ACSL5: variants seen among roughly 807,000 people sequenced by gnomAD.
ACSL5 encodes the protein long-chain-fatty-acid--CoA ligase 5.
In ACSL5, 50 loss-of-function variants were observed where a neutral mutation model predicts 84.9. The ratio of observed to expected loss-of-function variants is 0.59; its 90% CI spans 0.47 to 0.75. The LOEUF is 0.75. ACSL5 is among the 30% of genes least tolerant of loss of function. The pLI is 0.00. For synonymous variants in ACSL5, 280 were observed against 300.7 expected (o/e 0.93, Z 0.71); for missense variants, 775 against 830.4 (o/e 0.93, Z 0.82).
intron 12 of ACSL5, among the ~76,000 whole-genome samples, chr10:112,416,488 A>G (rs868493074): frequency 1.3e-5 from 2 of 151,314 alleles, no homozygotes; most frequent in Admixed American, 6.6e-5. Flanking sequence ...AAAAAAAAAA[A>G]AAAAAAATCA....
intron 1 of ACSL5, among the ~76,000 whole-genome samples, chr10:112,391,910 C>G (rs890827963): frequency 6.6e-6 from 1 of 152,144 alleles, no homozygotes; most frequent in Non-Finnish European, 1.5e-5. Flanking sequence ...TCCCTTTTCT[C>G]CCATATGTAT....
At chr10:112,382,588 T>A (rs116368388) in intron 1 of ACSL5, among the ~76,000 whole-genome samples, 3 of 152,156 alleles carry the variant, frequency 2.0e-5, no homozygotes, top group East Asian at 3.9e-4. Context: ...CTCTTCTATC[T>A]CTTCTGAGCT....
chr10:112,422,634 T>A (rs1844495869), intron 17 of ACSL5, among the ~76,000 whole-genome samples, 193 bp downstream of exon 17: 1 of 152,078 alleles, frequency 6.6e-6, no homozygotes, highest in Non-Finnish European at 1.5e-5. Context: ...AGGTGGTGGA[T>A]CACCTGAGGT....
intron 7 of ACSL5, 175 bp from the exon 8 acceptor site, chr10:112,410,288 C>T (rs1428596370): frequency 1.9e-6 from 3 of 1,545,456 alleles, no homozygotes; most frequent in Non-Finnish European, 2.6e-6. Flanking sequence ...ATCTTATGCT[C>T]TTCCCTGGGG....
At chr10:112,396,005 T>C (rs1257183658) in intron 2 of ACSL5, 1 of 152,330 alleles carries the variant, frequency 6.6e-6, no homozygotes, top group African/African-American at 2.4e-5. Flanking sequence ...CCCACCAGAG[T>C]TCTTTGAGAG....
chr10:112,388,939 G>A (rs1313204644), intron 1 of ACSL5, among the ~76,000 whole-genome samples: 1 of 152,154 alleles, frequency 6.6e-6, no homozygotes, highest in Non-Finnish European at 1.5e-5. Context: ...TTCGAATAGG[G>A]TTTGAGTGGG....
At chr10:112,399,574 G>A (rs564844635) in intron 3 of ACSL5, among the ~76,000 whole-genome samples, 1 of 152,252 alleles carries the variant, frequency 6.6e-6, no homozygotes, top group East Asian at 1.9e-4. Context: ...AATACATCAA[G>A]CCTTAATATT....
chr10:112,401,602 C>T (rs1738010503), intron 3 of ACSL5, among the ~76,000 whole-genome samples: 1 of 152,244 alleles, frequency 6.6e-6, no homozygotes, highest in Admixed American at 6.5e-5. Context: ...GGCTAGTAGG[C>T]TGAAGCTGAT....
In ACSL5 at chr10:112,404,753, T is replaced by C; in HGVS notation, c.379T>C (p.Tyr127His). ...GGGTTCCTGTCTCTTGCATAAAGGT[T>C]ATAAATCATCACCAGACCAGTTTGT... is the stretch of plus-strand genomic sequence containing the variant. ...YLGSCLLHKG[Y>H]KSSPDQFVGI... Residue 127 changes from tyrosine (Y) to histidine (H), a missense_variant, in exon 5 of 21, where the codon TAT becomes CAT. By Grantham distance (83) the Tyr-to-His change is moderately conservative (BLOSUM62 2). Coordinates refer to ENST00000354655, the MANE Select transcript of ACSL5 (RefSeq NM_203379.2). The C allele has an allele frequency of 5.0e-6, 8 of 1,614,100 alleles. No homozygotes were observed. Among genetic ancestry groups the C allele is most frequent in the Non-Finnish European group, 5.9e-6 (7 of 1,179,978 alleles).
intron 14 of ACSL5, chr10:112,418,694 A>C (rs1262085956): frequency 1.3e-5 from 2 of 152,318 alleles, no homozygotes; most frequent in Non-Finnish European, 2.9e-5. Context: ...TATTTTGTAT[A>C]TGTATTATAT....
intron 19 of ACSL5, 150 bp from the exon 20 acceptor site, chr10:112,426,638 T>C (rs1844730996): frequency 1.4e-6 from 1 of 690,716 alleles, no homozygotes; most frequent in Non-Finnish European, 2.5e-6. Context: ...CAGTTTTTCT[T>C]TCAATATTGG....
In ACSL5 at chr10:112,409,595, G is replaced by A. The variant is rs146970411; in HGVS notation, c.621G>A (p.Lys207=). 2.7e-4 allele frequency: 438 copies of A among 1,614,176 alleles called. 3 individuals are homozygous for A. The South Asian group carries it at 4.5e-3, about 17-fold the overall frequency. The change falls in exon 7 of 21, where the codon AAG becomes AAA. Residue 207 remains lysine, a synonymous_variant. Coordinates refer to ENST00000354655, the MANE Select transcript of ACSL5 (RefSeq NM_203379.2). ...AGAAAGGCTTCACCCCGAGCCTGAA[G>A]GTGATCATCCTTATGGACCCCTTTG... is the stretch of plus-strand genomic sequence containing the variant. The part of the protein sequence containing the change: ...NVEKGFTPSL[K]VIILMDPFDD...
At chr10:112,385,698 T>C (rs1849435671) in intron 1 of ACSL5, among the ~76,000 whole-genome samples, 1 of 152,238 alleles carries the variant, frequency 6.6e-6, no homozygotes, top group Admixed American at 6.5e-5. Context: ...TCTGAGTTTC[T>C]TATTAAAGAA....
In ACSL5 at chr10:112,409,654, G is replaced by A. The variant is rs776466553; in HGVS notation, c.680G>A (p.Gly227Glu). The A allele has an allele frequency of 3.1e-6, 5 of 1,614,040 alleles. No individual in the cohort carries two copies. In the African/African-American group the frequency reaches 6.7e-5, roughly 22 times the overall value. Residue 227 changes from glycine (G) to glutamate (E), a missense_variant, in exon 7 of 21, where the codon GGA (glycine) becomes GAA (glutamate). Gly to Glu is a moderately conservative substitution (Grantham distance 98). Coordinates refer to ENST00000354655, the MANE Select transcript of ACSL5 (RefSeq NM_203379.2). ...CTGAAGCAAAGAGGGGAGAAGAGTG[G>A]AATTGAGATCTTATCCCTATATGAT... Reference protein sequence around the residue: ...DDLKQRGEKSGIEILSLYDAE... With the variant: ...DDLKQRGEKSEIEILSLYDAE...
intron 1 of ACSL5, among the ~76,000 whole-genome samples, chr10:112,387,068 T>C (rs1446438126): frequency 1.3e-5 from 2 of 152,256 alleles, no homozygotes; most frequent in African/African-American, 4.8e-5. Context: ...ATCTGAATGT[T>C]GACCCCTTGG....
intron 14 of ACSL5, among the ~76,000 whole-genome samples, chr10:112,418,356 C>T (rs573901401): frequency 2.6e-5 from 4 of 152,022 alleles, no homozygotes; most frequent in East Asian, 3.9e-4. Context: ...CTGAGACGGG[C>T]GGATCACGAG....
intron 5 of ACSL5, among the ~76,000 whole-genome samples, chr10:112,407,118 C>T (rs1363639736): frequency 6.6e-6 from 1 of 151,570 alleles, no homozygotes; most frequent in Non-Finnish European, 1.5e-5. Context: ...GAGAATAGCA[C>T]AGGAAAGACC....
In ACSL5 at chr10:112,421,951, C is replaced by T. The variant is rs762873637; in HGVS notation, c.1392C>T (p.His464=). 3.6e-5 allele frequency: 58 copies of T among 1,614,016 alleles called. No homozygotes were observed. Among genetic ancestry groups the T allele is most frequent in the Non-Finnish European group, 4.5e-5 (53 of 1,180,002 alleles). The change falls in exon 16 of 21, where the codon CAC becomes CAT. Residue 464 remains histidine (H), a synonymous_variant. Coordinates refer to ENST00000354655, the MANE Select transcript of ACSL5 (RefSeq NM_203379.2). Reference sequence around the variant, plus strand: ...ATTCAGCACGGTATGTTCTAGGTCACGTTGGGGTGCCCCTGGCTTGCAATT... The same window carrying T: ...ATTCAGCACGGTATGTTCTAGGTCATGTTGGGGTGCCCCTGGCTTGCAATT... ...FTLPGDWTSG[H]VGVPLACNYV... is the part of the protein sequence containing the mutation.
intron 11 of ACSL5, 37 bp from the exon 12 acceptor site, chr10:112,413,136 T>C: frequency 1.9e-6 from 3 of 1,610,398 alleles, no homozygotes; most frequent in Non-Finnish European, 2.5e-6. Flanking sequence ...AAAGGGGTTG[T>C]TTGCCTCTAA....
Sources: allele counts gnomAD v4.1 joint callset (sites outside exome capture counted in the v4.1 genomes callset), GRCh38; gene constraint gnomAD v4.1.1; transcripts MANE v1.5; gene names NCBI Gene and HGNC (gene_info 2026-07-23, HGNC 2026-07-21).